The following CATSPERD variants were observed in gnomAD, a reference collection of about 807,000 sequenced individuals.
CATSPERD encodes the protein cation channel sperm-associated auxiliary subunit delta.
A neutral mutation model predicts 98.1 loss-of-function variants in CATSPERD; 86 were observed. The ratio of observed to expected loss-of-function variants is 0.88; its 90% CI spans 0.74 to 1.05. The LOEUF (loss-of-function observed/expected upper bound fraction) is 1.05. Ranked by LOEUF, CATSPERD falls within the 50% of genes least tolerant of loss-of-function variation. The probability of loss-of-function intolerance (pLI) is 0.00; values close to 1 mark genes in which losing one functional copy is unlikely to be tolerated. For synonymous variants in CATSPERD, 394 were observed against 390.2 expected (o/e 1.01, Z -0.12); for missense variants, 995 against 1,005.7 (o/e 0.99, Z 0.14).
intron 4 of CATSPERD, among the ~76,000 whole-genome samples, chr19:5,733,307 T>TTTTC (rs143559496): frequency 0.012 from 1,828 of 146,958 alleles, 24 homozygotes; most frequent in African/African-American, 0.029. Flanking sequence ...TTCTTTTTCT[T>TTTTC]TTTCTTTCTT....
chr19:5,770,106 GTAAT>G (rs1485747272), intron 18 of CATSPERD, among the ~76,000 whole-genome samples: 3 of 144,586 alleles, frequency 2.1e-5, no homozygotes, highest in African/African-American at 7.7e-5. Flanking sequence ...AAAAAAAAAA[GTAAT>G]TACGGTTTTT....
intron 3 of CATSPERD, 84 bp from the exon 4 acceptor site, chr19:5,729,788 G>A (rs1240421954): frequency 1.3e-6 from 1 of 784,498 alleles, no homozygotes; most frequent in Non-Finnish European, 2.1e-6. Flanking sequence ...TGTTTGAATG[G>A]AGACATTTTA....
chr19:5,778,356 C>A lies in CATSPERD; in HGVS notation c.2097-20C>A. The A allele has an allele frequency of 6.3e-7, 1 of 1,583,598 alleles. No individual in the cohort carries two copies. On this transcript the variant is annotated intron_variant, in intron 21 of 21. Coordinates refer to ENST00000381624, the MANE Select transcript of CATSPERD (RefSeq NM_152784.4). The stretch of plus-strand genomic sequence containing the variant: ...CAAAGGCAATGCCCAACAGCCTCTC[C>A]CCGCCTCCCCCCACCGCAGCTACTG...
Position 5,757,825 on chromosome 19 carries a change from T to G in CATSPERD, c.1279-18T>G, listed in dbSNP as rs749697706. 2 of 1,606,506 alleles carry G rather than the reference T, an allele frequency of 1.2e-6. No individual in the cohort carries two copies. Among genetic ancestry groups the G allele is most frequent in the Non-Finnish European group, 1.7e-6 (2 of 1,174,712 alleles). ...CTGCTGGCTCCGTACAGCCTGAGCT[T>G]CTCTCCCCCACTCCCAGGTGATGGT... On this transcript the variant is annotated intron_variant, in intron 13 of 21. Coordinates refer to ENST00000381624, the MANE Select transcript of CATSPERD (RefSeq NM_152784.4).
rs1201837410 is a variant in CATSPERD, at chr19:5,747,904, G to A, written c.809-256G>A. 2.6e-5 allele frequency among the ~76,000 whole-genome samples: 4 copies of A among 152,098 alleles called. No individual in the cohort carries two copies. The East Asian group carries it at 7.7e-4, about 29-fold the overall frequency. On this transcript the variant is annotated intron_variant, in intron 9 of 21. Coordinates refer to ENST00000381624, the MANE Select transcript of CATSPERD (RefSeq NM_152784.4). ...TGGGATTACAGGTGTGCACCCCCGC[G>A]CCTGGCAGAAGGGTTAGGTTTTCTT...
intron 7 of CATSPERD, among the ~76,000 whole-genome samples, chr19:5,742,598 A>G (rs1424069161): frequency 6.6e-6 from 1 of 151,882 alleles, no homozygotes; most frequent in African/African-American, 2.4e-5. Context: ...CCTGGGGAAC[A>G]TAGTGAGACC....
Position 5,730,561 on chromosome 19 carries a change from A to AAAATAAATAAATAAAT in CATSPERD, c.276+620_276+635dup, listed in dbSNP as rs71172757. Among the ~76,000 whole-genome samples the AAAATAAATAAATAAAT allele has an allele frequency of 9.6e-3, 1,431 of 149,280 alleles. 9 individuals carry two copies. The highest frequency in any genetic ancestry group is 0.028 in the Middle Eastern group (8 of 282). ...CTGTCTTAAAAAATAATAATAAAATAAAATAAATAAATAAATAATAGATAG... is the reference window on the plus strand; with the variant it reads ...CTGTCTTAAAAAATAATAATAAAATAAAATAAATAAATAAATAAATAAATAAATAAATAATAGATAG... On this transcript the variant is annotated intron_variant, in intron 4 of 21. Coordinates refer to ENST00000381624, the MANE Select transcript of CATSPERD (RefSeq NM_152784.4).
chr19:5,735,650 T>A (rs1379768363), intron 5 of CATSPERD, among the ~76,000 whole-genome samples: 2 of 151,934 alleles, frequency 1.3e-5, no homozygotes, highest in African/African-American at 4.8e-5. Flanking sequence ...TTTTTGTATG[T>A]TTTTAGTATA....
chr19:5,762,056 A>ATG (rs1302276239), intron 15 of CATSPERD, among the ~76,000 whole-genome samples: 2 of 14,480 alleles, frequency 1.4e-4, no homozygotes, highest in Non-Finnish European at 3.2e-4. Context: ...ATATATATAT[A>ATG]TATTTTTTTT....
At chr19:5,754,056 C>T (rs1201190536) in intron 12 of CATSPERD, 76 bp from the exon 13 acceptor site, 1 of 976,266 alleles carries the variant, frequency 1.0e-6, no homozygotes, top group Non-Finnish European at 1.6e-6. Context: ...AGGGTCCCTT[C>T]CTCCTTCCCA....
At chr19:5,760,073 CAAAAAA>C (rs60075484) in intron 15 of CATSPERD, among the ~76,000 whole-genome samples, 1 of 48,534 alleles carries the variant, frequency 2.1e-5, no homozygotes, top group Admixed American at 3.5e-4. Context: ...GACTCCATCT[CAAAAAA>C]AAAAAAAAAA....
intron 21 of CATSPERD, among the ~76,000 whole-genome samples, chr19:5,777,668 A>G (rs1335030652): frequency 6.6e-6 from 1 of 152,136 alleles, no homozygotes; most frequent in East Asian, 1.9e-4. Context: ...GGATCACTTG[A>G]AGTCAGGAGT....
At chr19:5,760,023 G>A (rs965405685) in intron 15 of CATSPERD, among the ~76,000 whole-genome samples, 5 of 132,904 alleles carry the variant, frequency 3.8e-5, no homozygotes, top group East Asian at 4.7e-4. Flanking sequence ...GCAGTGAGCC[G>A]AGATTGTGGC....
At chr19:5,754,356 G>C in intron 13 of CATSPERD, 111 bp downstream of exon 13, 2 of 580,404 alleles carry the variant, frequency 3.4e-6, no homozygotes, top group South Asian at 1.7e-5. Context: ...GACGCTACTC[G>C]CACACTCACA....
intron 5 of CATSPERD, among the ~76,000 whole-genome samples, chr19:5,735,867 G>A (rs1204861282): frequency 6.8e-6 from 1 of 146,404 alleles, no homozygotes; most frequent in South Asian, 2.2e-4. Flanking sequence ...TGCAAGCTCC[G>A]CCTCCTGGGT....
chr19:5,777,234 C>G (rs2056754732), intron 21 of CATSPERD, among the ~76,000 whole-genome samples: 1 of 152,122 alleles, frequency 6.6e-6, no homozygotes, highest in Non-Finnish European at 1.5e-5. Flanking sequence ...CCTGCCTTCT[C>G]TAGAGGCCCC....
chr19:5,764,876 A>G (rs1294366670), intron 16 of CATSPERD, among the ~76,000 whole-genome samples: 1 of 152,068 alleles, frequency 6.6e-6, no homozygotes, highest in Non-Finnish European at 1.5e-5. Flanking sequence ...TGGCCTCCCA[A>G]AGTGCTGGGA....
At position 5,754,117 on chromosome 19, in the gene CATSPERD, C is replaced by T. The variant is rs770608856; in HGVS notation, c.1165-15C>T. The T allele has an allele frequency of 6.5e-6, 10 of 1,527,112 alleles. No individual in the cohort carries two copies. The highest frequency in any genetic ancestry group is 2.2e-5 in the East Asian group (1 of 44,520). 94.6% of individuals were successfully genotyped at this position (1,527,112 alleles called of 1,614,324 possible). A position where few individuals can be genotyped will look rare whatever the true frequency, so the allele number is the denominator to read the frequency against. Reference sequence around the variant, plus strand: ...CAGGAGCATGATTATCTTTCTTCTTCGCCTTTTTAACTAGATAGAGTTTCT... The same window carrying T: ...CAGGAGCATGATTATCTTTCTTCTTTGCCTTTTTAACTAGATAGAGTTTCT... On this transcript the variant is annotated splice_polypyrimidine_tract_variant and intron_variant, in intron 12 of 21. Coordinates refer to ENST00000381624, the MANE Select transcript of CATSPERD (RefSeq NM_152784.4).
At position 5,763,911 on chromosome 19, in the gene CATSPERD, G is replaced by C. The variant is rs139495751; in HGVS notation, c.1506+618G>C. Among the ~76,000 whole-genome samples, 192 of 139,274 alleles carry C rather than the reference G, an allele frequency of 1.4e-3. 5 individuals are homozygous for C. In the East Asian group the frequency reaches 0.034, roughly 24 times the overall value. 91.4% of individuals were successfully genotyped at this position (139,274 alleles called of 152,430 possible). A position where few individuals can be genotyped will look rare whatever the true frequency, so the allele number is the denominator to read the frequency against. Reference sequence around the variant, plus strand: ...CGCCCAGACTGGAATGCAGTGGTGCGATCTCAGCTCATTGTAACCTCCATC... The same window carrying C: ...CGCCCAGACTGGAATGCAGTGGTGCCATCTCAGCTCATTGTAACCTCCATC... On this transcript the variant is annotated intron_variant, in intron 16 of 21. Coordinates refer to ENST00000381624, the MANE Select transcript of CATSPERD (RefSeq NM_152784.4).
Sources: allele counts gnomAD v4.1 joint callset (sites outside exome capture counted in the v4.1 genomes callset), GRCh38; gene constraint gnomAD v4.1.1; transcripts MANE v1.5; gene names NCBI Gene and HGNC (gene_info 2026-07-23, HGNC 2026-07-21).